Variants in HDAC8 observed in about 807,000 individuals in gnomAD.
HDAC8 encodes the protein histone deacetylase 8.
In HDAC8, 1 loss-of-function variant was observed where a neutral mutation model predicts 32.2. That is an observed-to-expected ratio of 0.03 (90% CI 0.01 to 0.15). The LOEUF (loss-of-function observed/expected upper bound fraction) is 0.15, where lower values mean the gene tolerates loss of function less well. HDAC8 is among the 10% of genes least tolerant of loss of function. HDAC8 has a pLI of 1.00. For synonymous variants in HDAC8, 108 were observed against 113.9 expected (o/e 0.95, Z 0.33); for missense variants, 117 against 300.0 (o/e 0.39, Z 4.51).
At chrX:72,462,164 G>T in intron 8 of HDAC8, 66 bp from the exon 9 acceptor site, 1 of 825,216 alleles carries the variant, frequency 1.2e-6, no homozygotes, top group Non-Finnish European at 1.8e-6. Context: ...AGGGAAGGGG[G>T]GTAAGGAAAG....
At chrX:72,351,629 G>A (rs868992004) in intron 10 of HDAC8, 104 bp downstream of exon 10, 13 of 522,930 alleles carry the variant, frequency 2.5e-5, no homozygotes, top group Middle Eastern at 9.9e-4. Context: ...TCAGTGAAAT[G>A]ATTAGCTTAC....
chrX:72,474,686 G>A (rs1555999589), intron 7 of HDAC8: 1 of 1,206,378 alleles, frequency 8.3e-7, no homozygotes, highest in Non-Finnish European at 1.1e-6. Flanking sequence ...ACAAGCTGCG[G>A]CAGCTGCTTC....
intron 4 of HDAC8, among the ~76,000 whole-genome samples, chrX:72,513,799 A>T (rs1405929166): frequency 2.7e-5 from 3 of 111,965 alleles, no homozygotes; most frequent in African/African-American, 9.7e-5. Context: ...TATTTTAAAA[A>T]TGTACTGGTC....
chrX:72,460,299 G>C (rs1468272643), intron 9 of HDAC8, among the ~76,000 whole-genome samples: 1 of 110,401 alleles, frequency 9.1e-6, no homozygotes, highest in Non-Finnish European at 1.9e-5. Flanking sequence ...ACCACGCCCA[G>C]CTAATTTTTT....
At chrX:72,566,684 G>A (rs939542771) in intron 4 of HDAC8, among the ~76,000 whole-genome samples, 7 of 111,992 alleles carry the variant, frequency 6.3e-5, no homozygotes, top group Non-Finnish European at 1.3e-4. Context: ...CTACCACAGT[G>A]GCTTCATTTC....
intron 7 of HDAC8, among the ~76,000 whole-genome samples, chrX:72,472,835 C>A (rs2048225843): frequency 9.0e-6 from 1 of 111,009 alleles, no homozygotes; most frequent in African/African-American, 3.3e-5. Flanking sequence ...ATTTGAAAGT[C>A]ACCCTTTCAG....
intron 9 of HDAC8, among the ~76,000 whole-genome samples, chrX:72,409,204 C>T (rs1445350837): frequency 4.4e-5 from 5 of 112,381 alleles, no homozygotes; most frequent in Admixed American, 9.4e-5. Context: ...TCTGCTTTCT[C>T]TTGCTCCATC....
At chrX:72,564,450 G>A (rs1327711366) in intron 4 of HDAC8, among the ~76,000 whole-genome samples, 5 of 112,187 alleles carry the variant, frequency 4.5e-5, no homozygotes, top group African/African-American at 1.6e-4. Flanking sequence ...TTGTACAGTC[G>A]GGTTTGATCT....
At chrX:72,533,410 G>C (rs2050414749) in intron 4 of HDAC8, among the ~76,000 whole-genome samples, 1 of 111,514 alleles carries the variant, frequency 9.0e-6, no homozygotes. Flanking sequence ...GGCCCAGATG[G>C]CTTCACTGGT....
rs1487825962 is a variant in HDAC8 at position 72,352,816 on chromosome X, C to A, written c.1006-978G>T. Among the ~76,000 whole-genome samples, 3 of 111,815 alleles carry A rather than the reference C, an allele frequency of 2.7e-5. No homozygotes were observed. The East Asian group carries it at 8.4e-4, about 31-fold the overall frequency. On this transcript the variant is annotated intron_variant, in intron 9 of 10. Coordinates refer to ENST00000373573, the MANE Select transcript of HDAC8 (RefSeq NM_018486.3). ...ATCTGATTCAGCTTCTCTGGTAGGG[C>A]TGACTTGGGGAAAACCACTCCACGA...
chrX:72,372,422 C>A lies in HDAC8; in HGVS notation c.1006-20584G>T, dbSNP rs144369925. 3.7e-3 allele frequency among the ~76,000 whole-genome samples: 412 copies of A among 111,090 alleles called. 2 individuals are homozygous for A. The highest frequency in any genetic ancestry group is 5.2e-3 in the Non-Finnish European group (276 of 53,033). ...ATGTCTTTTTTATCTCTATATAGCA[C>A]GGGGCCTAGAACACAGTAGGGATCC... On this transcript the variant is annotated intron_variant, in intron 9 of 10. Transcript: ENST00000373573.
chrX:72,331,578 C>CT (rs1303092944), intron 10 of HDAC8, among the ~76,000 whole-genome samples: 5 of 111,227 alleles, frequency 4.5e-5, no homozygotes, highest in Non-Finnish European at 7.5e-5. Flanking sequence ...AAGTTCATTC[C>CT]TTTTTTGTAC....
chrX:72,572,339 C>T (rs2052122419), intron 1 of HDAC8: 5 of 414,870 alleles, frequency 1.2e-5, no homozygotes, highest in African/African-American at 2.6e-5. Flanking sequence ...TGATGGAACA[C>T]CTTCCCCCTG....
intron 10 of HDAC8, among the ~76,000 whole-genome samples, chrX:72,338,079 CAT>C (rs2043763534): frequency 8.9e-6 from 1 of 112,121 alleles, no homozygotes; most frequent in African/African-American, 3.2e-5. Flanking sequence ...TTTTCTGTCA[CAT>C]GATTCTGTTT....
chrX:72,509,160 G>A (rs188045039), intron 4 of HDAC8, among the ~76,000 whole-genome samples: 208 of 108,983 alleles, frequency 1.9e-3, no homozygotes, highest in African/African-American at 6.6e-3. Context: ...GAGTGCAGTG[G>A]TACAATCTCA....
chrX:72,445,320 G>T (rs1464449778), intron 9 of HDAC8, among the ~76,000 whole-genome samples: 1 of 110,790 alleles, frequency 9.0e-6, no homozygotes, highest in Non-Finnish European at 1.9e-5. Context: ...GCATGGTACT[G>T]GTACCAAAAC....
intron 9 of HDAC8, among the ~76,000 whole-genome samples, chrX:72,414,370 G>A (rs1213758153): frequency 8.9e-6 from 1 of 111,776 alleles, no homozygotes; most frequent in Non-Finnish European, 1.9e-5. Flanking sequence ...AAGGAAATAA[G>A]TGTAGTCGGA....
At chrX:72,471,120 CT>C (rs1187255034) in intron 7 of HDAC8, among the ~76,000 whole-genome samples, 16 of 112,199 alleles carry the variant, frequency 1.4e-4, no homozygotes, top group African/African-American at 5.2e-4. Context: ...ATAATGTTTT[CT>C]TTTGTGACTG....
rs1279655510 is a variant in HDAC8 at position 72,489,196 on chromosome X, T to C, written c.629-155A>G. 4 of 477,612 alleles carry C rather than the reference T, an allele frequency of 8.4e-6. No homozygotes were observed. The African/African-American group carries it at 9.7e-5, about 12-fold the overall frequency. 39.4% of individuals were successfully genotyped at this position (477,612 alleles called of 1,213,427 possible). On this transcript the variant is annotated intron_variant, in intron 6 of 10. Transcript: ENST00000373573. Reference sequence around the variant, plus strand: ...AAACAATCTTGGAGAAGCAGGCAAATCATAAGGAAACTGAAAAACCTCAGT... The same window carrying C: ...AAACAATCTTGGAGAAGCAGGCAAACCATAAGGAAACTGAAAAACCTCAGT...
Sources: allele counts gnomAD v4.1 joint callset (sites outside exome capture counted in the v4.1 genomes callset), GRCh38; gene constraint gnomAD v4.1.1; transcripts MANE v1.5; gene names NCBI Gene and HGNC (gene_info 2026-07-23, HGNC 2026-07-21).